Variants in NRG3 observed in about 807,000 individuals in gnomAD.
NRG3 encodes neuregulin 3.
In NRG3, 31 loss-of-function variants were observed where a neutral mutation model predicts 66.9. The ratio of observed to expected loss-of-function variants is 0.46; its 90% confidence interval spans 0.35 to 0.63. The LOEUF (loss-of-function observed/expected upper bound fraction) is 0.63. NRG3 is among the 20% of genes least tolerant of loss of function. The pLI is 0.00. For synonymous variants in NRG3, 393 were observed against 359.4 expected (o/e 1.09, Z -1.06); for missense variants, 910 against 878.9 (o/e 1.04, Z -0.45).
chr10:82,499,173 G>A (rs1245210700), intron 2 of NRG3, among the ~76,000 whole-genome samples: 1 of 152,040 alleles, frequency 6.6e-6, no homozygotes, highest in African/African-American at 2.4e-5. Context: ...TCTTTTTTAG[G>A]CAAACTCCAT....
intron 2 of NRG3, among the ~76,000 whole-genome samples, chr10:82,379,982 A>G (rs1053275247): frequency 6.6e-6 from 1 of 152,000 alleles, no homozygotes; most frequent in Admixed American, 6.6e-5. Context: ...ATATTCTCAA[A>G]TGCAATTTTA....
intron 2 of NRG3, among the ~76,000 whole-genome samples, chr10:82,415,961 A>G (rs924992928): frequency 6.6e-6 from 1 of 152,142 alleles, no homozygotes; most frequent in African/African-American, 2.4e-5. Flanking sequence ...TGTCAGTGCA[A>G]TGCTAAATGT....
intron 1 of NRG3, among the ~76,000 whole-genome samples, chr10:81,884,917 G>T (rs1223472286): frequency 6.6e-6 from 1 of 152,092 alleles, no homozygotes; most frequent in Non-Finnish European, 1.5e-5. Context: ...TTCTCTTGTG[G>T]TTTTAATTTT....
At chr10:81,931,734 A>G (rs886384793) in intron 1 of NRG3, among the ~76,000 whole-genome samples, 9 of 152,182 alleles carry the variant, frequency 5.9e-5, no homozygotes, top group Admixed American at 3.9e-4. Flanking sequence ...CCTTTTCCCA[A>G]TAGTACTTAA....
At chr10:82,169,088 A>C (rs1242832643) in intron 1 of NRG3, among the ~76,000 whole-genome samples, 1 of 152,114 alleles carries the variant, frequency 6.6e-6, no homozygotes, top group East Asian at 1.9e-4. Flanking sequence ...CTTAATACTC[A>C]CATATCTGCA....
intron 1 of NRG3, among the ~76,000 whole-genome samples, chr10:82,142,526 C>T (rs890357138): frequency 6.6e-6 from 1 of 152,078 alleles, no homozygotes. Context: ...TCAGTTTACA[C>T]GTTTCTAAGC....
chr10:82,521,059 C>T (rs1480592111), intron 2 of NRG3, among the ~76,000 whole-genome samples: 1 of 152,118 alleles, frequency 6.6e-6, no homozygotes, highest in Non-Finnish European at 1.5e-5. Context: ...AGTTCAGTTC[C>T]AGACCACCAT....
At chr10:82,186,583 G>A (rs1032662824) in intron 1 of NRG3, among the ~76,000 whole-genome samples, 4 of 152,118 alleles carry the variant, frequency 2.6e-5, no homozygotes, top group Non-Finnish European at 5.9e-5. Context: ...GACCTTAATG[G>A]CAATTAAATC....
intron 1 of NRG3, among the ~76,000 whole-genome samples, chr10:82,176,018 G>A (rs1265205717): frequency 1.3e-5 from 2 of 152,262 alleles, no homozygotes; most frequent in African/African-American, 2.4e-5. Flanking sequence ...CTTTCCGTCA[G>A]CAGAATTGAA....
At chr10:82,067,881 A>T (rs1478355292) in intron 1 of NRG3, among the ~76,000 whole-genome samples, 2 of 152,186 alleles carry the variant, frequency 1.3e-5, no homozygotes, top group African/African-American at 4.8e-5. Context: ...GCCCTCAGGG[A>T]TATAGGCATT....
intron 4 of NRG3, among the ~76,000 whole-genome samples, chr10:82,935,859 TATAAC>T (rs1848016589): frequency 1.3e-5 from 2 of 149,992 alleles, no homozygotes; most frequent in African/African-American, 2.5e-5. Flanking sequence ...TATTGAATCT[TATAAC>T]ATAATACTGA....
intron 1 of NRG3, among the ~76,000 whole-genome samples, chr10:81,952,274 T>C (rs572665726): frequency 2.0e-4 from 31 of 152,150 alleles, no homozygotes; most frequent in Non-Finnish European, 4.0e-4. Flanking sequence ...TATTATGCCT[T>C]AGTCCGGTCC....
intron 2 of NRG3, among the ~76,000 whole-genome samples, chr10:82,365,708 C>A (rs1564842945): frequency 2.6e-5 from 4 of 151,360 alleles, no homozygotes; most frequent in African/African-American, 7.3e-5. Context: ...AAGTATCATG[C>A]AAAAAAACAA....
At chr10:82,427,137 G>A (rs538201769) in intron 2 of NRG3, among the ~76,000 whole-genome samples, 32 of 152,158 alleles carry the variant, frequency 2.1e-4, no homozygotes, top group Non-Finnish European at 2.9e-4. Context: ...TCTTCAAATA[G>A]AGATGGTTTT....
chr10:82,008,338 G>A (rs2061451490), intron 1 of NRG3, among the ~76,000 whole-genome samples: 1 of 152,168 alleles, frequency 6.6e-6, no homozygotes, highest in East Asian at 1.9e-4. Context: ...CCTTGAGCAT[G>A]TAGAATACTC....
intron 1 of NRG3, among the ~76,000 whole-genome samples, chr10:81,935,362 T>G (rs1847762183): frequency 6.6e-6 from 1 of 152,188 alleles, no homozygotes; most frequent in South Asian, 2.1e-4. Flanking sequence ...AGTAATTTCC[T>G]AAGCAACATC....
chr10:82,748,463 T>C (rs2058731030), intron 3 of NRG3, among the ~76,000 whole-genome samples: 1 of 151,614 alleles, frequency 6.6e-6, no homozygotes. Flanking sequence ...AACATAAACA[T>C]GTATATACTT....
At chr10:82,024,871 C>T (rs77967961) in intron 1 of NRG3, among the ~76,000 whole-genome samples, 26,610 of 151,992 alleles carry the variant, frequency 0.18, 2,519 homozygotes, top group Middle Eastern at 0.22. Context: ...TAGACAAAAC[C>T]GTCTTCCTCA....
intron 3 of NRG3, among the ~76,000 whole-genome samples, chr10:82,843,502 C>G (rs1440108243): frequency 1.3e-5 from 2 of 152,110 alleles, no homozygotes; most frequent in Non-Finnish European, 2.9e-5. Context: ...CAGTACAAAA[C>G]AGACTAATAC....
Sources: allele counts gnomAD v4.1 joint callset (sites outside exome capture counted in the v4.1 genomes callset), GRCh38; gene constraint gnomAD v4.1.1; transcripts MANE v1.5; gene names NCBI Gene and HGNC (gene_info 2026-07-23, HGNC 2026-07-21).